The following GALNT17 variants were observed in gnomAD, a reference collection of about 807,000 sequenced individuals.
The protein encoded by GALNT17 is UDP-GalNAc:polypeptide N-acetylgalactosaminyltransferase-like 3.
A neutral mutation model predicts 63.7 loss-of-function variants in GALNT17; 29 were observed. That is an observed-to-expected ratio of 0.46 (90% CI 0.34 to 0.62). The LOEUF (loss-of-function observed/expected upper bound fraction) is 0.62, where lower values mean the gene tolerates loss of function less well. GALNT17 is among the 20% of genes least tolerant of loss of function. The pLI is 0.01. For missense variants in GALNT17, 603 were observed against 799.6 expected (o/e 0.75, Z 2.97); for synonymous variants, 305 against 318.3 (o/e 0.96, Z 0.45).
At chr7:71,606,819 G>T (rs893024540) in intron 6 of GALNT17, among the ~76,000 whole-genome samples, 1 of 152,092 alleles carries the variant, frequency 6.6e-6, no homozygotes, top group African/African-American at 2.4e-5. Flanking sequence ...TCATAATTCT[G>T]GATCACAGTT....
chr7:71,426,096 A>G (rs555055966), intron 5 of GALNT17, among the ~76,000 whole-genome samples: 1 of 152,334 alleles, frequency 6.6e-6, no homozygotes, highest in Admixed American at 6.5e-5. Flanking sequence ...ATCCACCCTC[A>G]TGATCCAATC....
At chr7:71,421,233 C>T (rs576659383) in intron 5 of GALNT17, 128 bp downstream of exon 5, 27 of 951,552 alleles carry the variant, frequency 2.8e-5, no homozygotes, top group Non-Finnish European at 3.5e-5. Flanking sequence ...CTCCAGGAGC[C>T]GCCGTTGTCT....
At chr7:71,572,504 TAAAAAAAAAAAAAA>T (rs371372359) in intron 6 of GALNT17, among the ~76,000 whole-genome samples, 3 of 44,502 alleles carry the variant, frequency 6.7e-5, no homozygotes, top group Admixed American at 3.7e-4. Context: ...CCTGTCTCAT[TAAAAAAAAAAAAAA>T]AAAAAAAAAA....
chr7:71,314,300 A>G (rs999306024), intron 1 of GALNT17, among the ~76,000 whole-genome samples: 1 of 152,056 alleles, frequency 6.6e-6, no homozygotes, highest in African/African-American at 2.4e-5. Flanking sequence ...AACTGCTTCT[A>G]ATTTATTAGG....
At chr7:71,511,646 G>A (rs1260175302) in intron 5 of GALNT17, among the ~76,000 whole-genome samples, 1 of 152,096 alleles carries the variant, frequency 6.6e-6, no homozygotes, top group Non-Finnish European at 1.5e-5. Flanking sequence ...TGCAAATTAG[G>A]CAAAAGTACC....
intron 6 of GALNT17, among the ~76,000 whole-genome samples, chr7:71,601,452 G>T (rs931222202): frequency 1.3e-5 from 2 of 152,076 alleles, no homozygotes; most frequent in African/African-American, 4.8e-5. Flanking sequence ...GACGGAGACA[G>T]AGCTGGGAAG....
At chr7:71,514,113 T>C (rs938249565) in intron 5 of GALNT17, among the ~76,000 whole-genome samples, 4 of 152,174 alleles carry the variant, frequency 2.6e-5, no homozygotes, top group African/African-American at 9.7e-5. Flanking sequence ...GAGGATTGCT[T>C]GAGCCCAGGA....
chr7:71,206,982 T>A (rs79697820), intron 1 of GALNT17, among the ~76,000 whole-genome samples: 7,513 of 152,160 alleles, frequency 0.049, 581 homozygotes, highest in African/African-American at 0.17. Flanking sequence ...GGTAAGTGCC[T>A]GTAGTCCCAG....
chr7:71,641,433 A>G (rs1790601432), intron 6 of GALNT17, among the ~76,000 whole-genome samples: 1 of 152,166 alleles, frequency 6.6e-6, no homozygotes, highest in South Asian at 2.1e-4. Flanking sequence ...TAGCTGATAA[A>G]CAACAGAAAT....
chr7:71,541,789 C>A (rs575524513), intron 5 of GALNT17, among the ~76,000 whole-genome samples: 4 of 152,222 alleles, frequency 2.6e-5, no homozygotes, highest in Admixed American at 2.6e-4. Flanking sequence ...AATCAAGTTG[C>A]ACGTCTAAAA....
At chr7:71,449,770 G>A (rs564476858) in intron 5 of GALNT17, among the ~76,000 whole-genome samples, 10 of 151,852 alleles carry the variant, frequency 6.6e-5, no homozygotes, top group Non-Finnish European at 1.3e-4. Context: ...AACCGGGCGC[G>A]GTGGCTCACG....
In GALNT17 at chr7:71,375,945, C is replaced by T. The variant is rs1358333660; in HGVS notation, c.423-12290C>T. On this transcript the variant is annotated intron_variant, in intron 2 of 10. Transcript: ENST00000333538. ...CTTCAAAAATTAGCCGGTGCGGTGG[C>T]GTGCGCCTGTCATCCCAGCTACTTG... Among the ~76,000 whole-genome samples, 11 of 152,196 alleles carry T rather than the reference C, an allele frequency of 7.2e-5. No individual in the cohort carries two copies. The South Asian group carries it at 1.2e-3, about 17-fold the overall frequency.
In GALNT17 at chr7:71,468,352, G is replaced by A. The variant is rs116608158; in HGVS notation, c.962+47247G>A. ...GTCTTTTCTAGGGCATTCTTCATAT[G>A]ATAGATGAGATTGCCCAAAATCCCA... On this transcript the variant is annotated intron_variant, in intron 5 of 10. Transcript: ENST00000333538. Among the ~76,000 whole-genome samples, 796 of 151,496 alleles carry A rather than the reference G, an allele frequency of 5.3e-3. 8 individuals carry two copies. The highest frequency in any genetic ancestry group is 0.018 in the African/African-American group (760 of 41,304).
At position 71,649,612 on chromosome 7, in the gene GALNT17, A is replaced by AACACACACACAC. The variant is rs148658729; in HGVS notation, c.1081-15777_1081-15766dup. On this transcript the variant is annotated intron_variant, in intron 6 of 10. Coordinates refer to ENST00000333538, the MANE Select transcript of GALNT17 (RefSeq NM_022479.3). ...GCCATTCTGCTGGAATTCAGGATTA[A>AACACACACACAC]ACACACACACACACACACACACACA... Among the ~76,000 whole-genome samples the AACACACACACAC allele has an allele frequency of 4.8e-4, 70 of 146,268 alleles. No homozygotes were observed. The South Asian group carries it at 9.2e-3, about 19-fold the overall frequency.
Position 71,394,727 on chromosome 7 carries a change from A to G in GALNT17, c.589+6326A>G, listed in dbSNP as rs59387158. Among the ~76,000 whole-genome samples the G allele has an allele frequency of 2.7e-3, 413 of 152,266 alleles. 18 individuals carry two copies. In the East Asian group the frequency reaches 0.074, roughly 27 times the overall value. ...ACAGTCATAATACTTGACACACTCC[A>G]TCACTGGTTCATGCATAGCCATTCT... is the stretch of plus-strand genomic sequence containing the variant. On this transcript the variant is annotated intron_variant, in intron 3 of 10. Coordinates refer to ENST00000333538, the MANE Select transcript of GALNT17 (RefSeq NM_022479.3).
At chr7:71,665,292 A>G (rs1432477898) in intron 6 of GALNT17, 119 bp from the exon 7 acceptor site, 3 of 1,061,882 alleles carry the variant, frequency 2.8e-6, no homozygotes, top group East Asian at 2.4e-5. Flanking sequence ...TTGGCTTTAT[A>G]TATTAAAATG....
intron 5 of GALNT17, among the ~76,000 whole-genome samples, chr7:71,506,775 A>G (rs1788276402): frequency 6.6e-6 from 1 of 152,132 alleles, no homozygotes; most frequent in Non-Finnish European, 1.5e-5. Context: ...ATTTGAGACT[A>G]TATATTATTG....
intron 9 of GALNT17, among the ~76,000 whole-genome samples, chr7:71,683,118 G>A (rs664112): frequency 0.21 from 32,406 of 152,046 alleles, 3,912 homozygotes; most frequent in Non-Finnish European, 0.28. Flanking sequence ...ACGGCAAACC[G>A]GATTAGGCTG....
chr7:71,305,262 C>T (rs555972038), intron 1 of GALNT17, among the ~76,000 whole-genome samples: 2 of 152,216 alleles, frequency 1.3e-5, no homozygotes, highest in African/African-American at 2.4e-5. Context: ...TAGTTTTTCC[C>T]GCCAGTACTC....
Sources: gnomAD v4.1 joint callset for allele counts (sites outside exome capture counted in the v4.1 genomes callset) on GRCh38, gnomAD v4.1.1 for gene constraint, MANE v1.5 for transcripts, NCBI Gene and HGNC (gene_info 2026-07-23, HGNC 2026-07-21) for gene names.